SHROOM3: variants seen among roughly 807,000 people sequenced by gnomAD.
The protein encoded by SHROOM3 is shroom family member 3, also known as protein Shroom3.
SHROOM3 carries 47 observed loss-of-function variants against 138.6 expected under a neutral mutation model. The ratio of observed to expected loss-of-function variants is 0.34; its 90% CI spans 0.27 to 0.43. The LOEUF is 0.43. Among genes scored for constraint, SHROOM3 ranks in the 20% least tolerant of loss-of-function variants. The pLI is 1.00. For missense variants in SHROOM3, 2,491 were observed against 2,596.5 expected, an observed-to-expected ratio of 0.96 and a Z score of 0.88; for synonymous variants, 1,062 against 1,063.3, an observed-to-expected ratio of 1.00 and a Z score of 0.02.
At chr4:76,461,732 G>A (rs1000322707) in intron 1 of SHROOM3, among the ~76,000 whole-genome samples, 1 of 151,946 alleles carries the variant, frequency 6.6e-6, no homozygotes, top group African/African-American at 2.4e-5. Context: ...TTTTGAAGGG[G>A]AAAAAAATGT....
At chr4:76,517,396 C>T (rs569682901) in intron 1 of SHROOM3, among the ~76,000 whole-genome samples, 4 of 152,288 alleles carry the variant, frequency 2.6e-5, no homozygotes, top group Admixed American at 2.6e-4. Context: ...ATCGCAAGTA[C>T]AGGGCATCCC....
chr4:76,694,894 G>A (rs576781885), intron 2 of SHROOM3, among the ~76,000 whole-genome samples: 1 of 152,294 alleles, frequency 6.6e-6, no homozygotes, highest in African/African-American at 2.4e-5. Flanking sequence ...TTTTAAAGGT[G>A]AGGAAACCAA....
At position 76,509,935 on chromosome 4, in the gene SHROOM3, T is replaced by A. The variant is rs144355298; in HGVS notation, c.169-45674T>A. ...GCTCTCATCTACTAGATCCTTGAAA[T>A]TTGCCAAAATTTAAATTATTTTTGG... On this transcript the variant is annotated intron_variant, in intron 1 of 10. Transcript: ENST00000296043. Among the ~76,000 whole-genome samples the A allele has an allele frequency of 2.6e-5, 4 of 152,272 alleles. No individual in the cohort carries two copies. In the East Asian group the frequency reaches 5.8e-4, roughly 22 times the overall value.
At chr4:76,627,241 A>G (rs1281525343) in intron 2 of SHROOM3, among the ~76,000 whole-genome samples, 1 of 152,102 alleles carries the variant, frequency 6.6e-6, no homozygotes, top group Admixed American at 6.5e-5. Context: ...ACTTCTGGAG[A>G]GCAGCCTGCA....
intron 3 of SHROOM3, among the ~76,000 whole-genome samples, chr4:76,717,072 C>G (rs1720395872): frequency 6.6e-6 from 1 of 152,212 alleles, no homozygotes; most frequent in African/African-American, 2.4e-5. Context: ...TCTTTCAACA[C>G]TTTTGAAGAA....
chr4:76,676,533 T>A (rs1719031572), intron 2 of SHROOM3, among the ~76,000 whole-genome samples: 1 of 152,172 alleles, frequency 6.6e-6, no homozygotes, highest in Non-Finnish European at 1.5e-5. Context: ...TGCTTTTGGA[T>A]GAGGATCAGA....
intron 1 of SHROOM3, among the ~76,000 whole-genome samples, chr4:76,525,090 T>C (rs929147198): frequency 6.6e-6 from 1 of 152,148 alleles, no homozygotes; most frequent in African/African-American, 2.4e-5. Context: ...CTTGCTAGCA[T>C]TTGGTATTTG....
intron 2 of SHROOM3, among the ~76,000 whole-genome samples, chr4:76,573,334 A>G (rs1036074806): frequency 2.7e-5 from 4 of 150,234 alleles, no homozygotes; most frequent in Admixed American, 6.6e-5. Flanking sequence ...GTATAGAAAA[A>G]AATGTAGGTT....
At chr4:76,626,589 C>T (rs1277069440) in intron 2 of SHROOM3, among the ~76,000 whole-genome samples, 6 of 152,108 alleles carry the variant, frequency 3.9e-5, no homozygotes, top group Admixed American at 3.9e-4. Context: ...GGTAGAATTA[C>T]CTGAAGTAGC....
At chr4:76,697,061 C>T (rs1719758715) in intron 2 of SHROOM3, among the ~76,000 whole-genome samples, 1 of 151,812 alleles carries the variant, frequency 6.6e-6, no homozygotes, top group Non-Finnish European at 1.5e-5. Context: ...GGACCACAGG[C>T]ACATGCCACC....
chr4:76,708,517 C>G (rs934458612), intron 2 of SHROOM3, among the ~76,000 whole-genome samples: 2 of 152,148 alleles, frequency 1.3e-5, no homozygotes, highest in East Asian at 3.8e-4. Context: ...AAGTTAGGGT[C>G]TAAAGGGGTC....
intron 2 of SHROOM3, among the ~76,000 whole-genome samples, chr4:76,657,711 A>T (rs967430241): frequency 6.6e-6 from 1 of 152,216 alleles, no homozygotes; most frequent in Non-Finnish European, 1.5e-5. Flanking sequence ...TGCTAATTAT[A>T]GAAGAAACCT....
intron 2 of SHROOM3, among the ~76,000 whole-genome samples, chr4:76,589,424 G>A (rs1447294476): frequency 6.6e-6 from 1 of 150,386 alleles, no homozygotes; most frequent in Non-Finnish European, 1.5e-5. Flanking sequence ...CTGAGATTGT[G>A]CTATTGCACT....
chr4:76,741,341 C>T lies in SHROOM3; in HGVS notation c.3168C>T (p.Asp1056=). ...GTTTCCCGGAGAGCAGCGTGGCCGA[C>T]CGGCGCCGTCTCTTCGAGCGCGATG... ...GMRFPESSVA[D]RRRLFERDGK... The change falls in exon 5 of 11, where the codon GAC becomes GAT. Residue 1056 remains aspartate, a synonymous_variant. Transcript: ENST00000296043. The surrounding 1 kb of genome is among the most constrained non-coding windows in gnomAD (Gnocchi z 6.2). The T allele has an allele frequency of 6.2e-7, 1 of 1,610,530 alleles. No individual in the cohort carries two copies. Among genetic ancestry groups the T allele is most frequent in the Non-Finnish European group, 8.5e-7 (1 of 1,179,046 alleles).
intron 2 of SHROOM3, among the ~76,000 whole-genome samples, chr4:76,708,521 AG>A (rs1720131930): frequency 6.6e-6 from 1 of 152,200 alleles, no homozygotes; most frequent in African/African-American, 2.4e-5. Flanking sequence ...TAGGGTCTAA[AG>A]GGGTCCTGAA....
chr4:76,527,863 G>T (rs145750550), intron 1 of SHROOM3, among the ~76,000 whole-genome samples: 423 of 152,270 alleles, frequency 2.8e-3, no homozygotes, highest in Admixed American at 5.3e-3. Context: ...GAAATGTCAC[G>T]TGCAGATTGG....
chr4:76,614,615 T>C (rs924097460), intron 2 of SHROOM3, among the ~76,000 whole-genome samples: 14 of 152,124 alleles, frequency 9.2e-5, no homozygotes, highest in African/African-American at 3.4e-4. Flanking sequence ...GCATTAGGTA[T>C]TTGTCCTAAT....
In SHROOM3 at chr4:76,740,414, C is replaced by G; in HGVS notation, c.2241C>G (p.Ala747=). The G allele has an allele frequency of 1.2e-6, 2 of 1,613,046 alleles. No homozygotes were observed. The highest frequency in any genetic ancestry group is 2.2e-5 in the South Asian group (2 of 91,068). ...ACCCAAGTCCCGAAGAGCCGCCTGC[C>G]CCCTCGCACCCGCACACATCCAGTC... The part of the protein sequence containing the change: ...STDPSPEEPP[A]PSHPHTSSLG... Residue 747 remains alanine (A), a synonymous_variant, in exon 5 of 11, where the codon GCC becomes GCG. Coordinates refer to ENST00000296043, the MANE Select transcript of SHROOM3 (RefSeq NM_020859.4). The surrounding 1 kb of genome is among the most constrained non-coding windows in gnomAD (Gnocchi z 4.0).
chr4:76,637,021 A>C (rs1025126320), intron 2 of SHROOM3, among the ~76,000 whole-genome samples: 1 of 152,226 alleles, frequency 6.6e-6, no homozygotes. Flanking sequence ...TCTTGTTTCT[A>C]TCAATTAGCC....
Sources: gnomAD v4.1 joint callset for allele counts (sites outside exome capture counted in the v4.1 genomes callset) on GRCh38, gnomAD v4.1.1 for gene constraint, Gnocchi (gnomAD v3.1) non-coding constraint, MANE v1.5 for transcripts, NCBI Gene and HGNC (gene_info 2026-07-23, HGNC 2026-07-21) for gene names.